AP3S2: variants seen among roughly 807,000 people sequenced by gnomAD.
AP3S2 encodes AP-3 complex subunit sigma-2.
In AP3S2, 22 loss-of-function variants were observed where a neutral mutation model predicts 23.4. The observed-to-expected ratio is 0.94, with a 90% confidence interval of 0.67 to 1.34. The LOEUF (loss-of-function observed/expected upper bound fraction) is 1.34, where lower values mean the gene tolerates loss of function less well. Among genes scored for constraint, AP3S2 ranks in the 40% most tolerant of loss-of-function variants. The probability of loss-of-function intolerance (pLI) is 0.00; values close to 1 mark genes in which losing one functional copy is unlikely to be tolerated. For synonymous variants in AP3S2, 86 were observed against 87.1 expected, an observed-to-expected ratio of 0.99 and a Z score of 0.07; for missense variants, 241 against 236.9, an observed-to-expected ratio of 1.02 and a Z score of -0.11.
chr15:89,866,169 G>C (rs1464409300), intron 4 of AP3S2, among the ~76,000 whole-genome samples: 1 of 148,608 alleles, frequency 6.7e-6, no homozygotes, highest in South Asian at 2.1e-4. Context: ...GGCTGAGACA[G>C]GAGAATCACT....
At chr15:89,874,421 C>T (rs770680994) in intron 3 of AP3S2, among the ~76,000 whole-genome samples, 18 of 152,294 alleles carry the variant, frequency 1.2e-4, no homozygotes, top group Middle Eastern at 3.4e-3. Flanking sequence ...CTGTTTATTT[C>T]ACCTGGGTGC....
Position 89,854,589 on chromosome 15 carries a change from G to A in AP3S2, c.346-16867C>T, listed in dbSNP as rs1358827418. Among the ~76,000 whole-genome samples the A allele has an allele frequency of 2.0e-3, 127 of 64,498 alleles. 7 individuals carry two copies. Among genetic ancestry groups the A allele is most frequent in the Non-Finnish European group, 3.3e-3 (107 of 32,144 alleles). 42.3% of individuals were successfully genotyped at this position (64,498 alleles called of 152,430 possible). A position where few individuals can be genotyped will look rare whatever the true frequency, so the allele number is the denominator to read the frequency against. On this transcript the variant is annotated intron_variant, in intron 4 of 5. Transcript: ENST00000336418. ...GGAGGTGGGGGGGGTCAGCACCCCCGCCCAGCCAGCCGCCCTGTCCGGGAG... is the reference window on the plus strand; with the variant it reads ...GGAGGTGGGGGGGGTCAGCACCCCCACCCAGCCAGCCGCCCTGTCCGGGAG...
chr15:89,849,223 T>C (rs1895574233), intron 4 of AP3S2, among the ~76,000 whole-genome samples: 1 of 152,162 alleles, frequency 6.6e-6, no homozygotes, highest in South Asian at 2.1e-4. Context: ...AGACATTAAA[T>C]CACCATTAAA....
At chr15:89,889,310 A>C in intron 1 of AP3S2, 170 bp from the exon 2 acceptor site, 3 of 685,128 alleles carry the variant, frequency 4.4e-6, no homozygotes, top group Non-Finnish European at 7.3e-6. Flanking sequence ...AATCTATGAA[A>C]GATGGGTGAC....
chr15:89,865,527 C>G (rs970098009), intron 4 of AP3S2: 1 of 152,208 alleles, frequency 6.6e-6, no homozygotes, highest in African/African-American at 2.4e-5. Flanking sequence ...TGGATACAAT[C>G]ACTCTGGCAT....
At chr15:89,890,046 A>C in intron 1 of AP3S2, among the ~76,000 whole-genome samples, 1 of 152,168 alleles carries the variant, frequency 6.6e-6, no homozygotes, top group South Asian at 2.1e-4. Context: ...AATTTTGAAC[A>C]GTTACAAATA....
intron 4 of AP3S2, among the ~76,000 whole-genome samples, chr15:89,854,970 C>T (rs1895788258): frequency 1.2e-5 from 1 of 83,822 alleles, no homozygotes; most frequent in South Asian, 4.0e-4. Context: ...TGCCCGGCCG[C>T]CCCTACTGGG....
chr15:89,858,517 GAGAGAGAGAA>G (rs1375344730), intron 4 of AP3S2, among the ~76,000 whole-genome samples: 108 of 50,282 alleles, frequency 2.1e-3, no homozygotes, highest in African/African-American at 3.7e-3. Flanking sequence ...GAGAGAGAGA[GAGAGAGAGAA>G]AGAAAGAAAG....
chr15:89,869,333 G>A (rs1238082353), intron 4 of AP3S2, among the ~76,000 whole-genome samples: 74 of 147,672 alleles, frequency 5.0e-4, no homozygotes, highest in African/African-American at 1.6e-3. Context: ...GATTAAGGGC[G>A]GTGCAAGATG....
intron 4 of AP3S2, among the ~76,000 whole-genome samples, chr15:89,848,038 T>C (rs1371135): frequency 0.72 from 110,142 of 152,076 alleles, 40,019 homozygotes; most frequent in East Asian, 0.8. Flanking sequence ...ACTAGCAGCA[T>C]GTTAATGCAT....
chr15:89,842,977 G>C (rs556598677), intron 4 of AP3S2, among the ~76,000 whole-genome samples: 2 of 151,386 alleles, frequency 1.3e-5, no homozygotes, highest in Admixed American at 6.6e-5. Context: ...ATTATTCCCA[G>C]GTATTTCTTT....
rs1895228392 is a variant in AP3S2 at position 89,837,675 on chromosome 15, T to C, written c.393A>G (p.Glu131=). 1 of 1,614,022 alleles carries C rather than the reference T, an allele frequency of 6.2e-7. No homozygotes were observed. Among genetic ancestry groups the C allele is most frequent in the South Asian group, 1.1e-5 (1 of 91,084 alleles). Residue 131 remains glutamate, a synonymous_variant, in exon 5 of 6, where the codon GAA becomes GAG. Transcript: ENST00000336418. ...GAGCCACGATTTCATTCATGTTTGT[T>C]TCCAACACCATCCCACCCATCACCA... ...QEVVMGGMVL[E]TNMNEIVAQI...
chr15:89,858,622 G>C (rs1306862294), intron 4 of AP3S2, among the ~76,000 whole-genome samples: 1 of 151,938 alleles, frequency 6.6e-6, no homozygotes, highest in Non-Finnish European at 1.5e-5. Context: ...AGGAATAATA[G>C]CAAGAACAAT....
chr15:89,836,848 C>T (rs913753182), intron 5 of AP3S2, among the ~76,000 whole-genome samples: 1 of 152,232 alleles, frequency 6.6e-6, no homozygotes, highest in Non-Finnish European at 1.5e-5. Flanking sequence ...TTCCACAGGA[C>T]TGCCAGTCCT....
At chr15:89,884,749 C>G (rs917484768) in intron 3 of AP3S2, among the ~76,000 whole-genome samples, 3 of 151,610 alleles carry the variant, frequency 2.0e-5, no homozygotes, top group Non-Finnish European at 2.9e-5. Context: ...CCAGCTCAAG[C>G]GATTCTTCTG....
At chr15:89,842,013 G>A (rs1895340046) in intron 4 of AP3S2, among the ~76,000 whole-genome samples, 1 of 152,110 alleles carries the variant, frequency 6.6e-6, no homozygotes, top group Non-Finnish European at 1.5e-5. Flanking sequence ...TGAAATGAGA[G>A]CTCAAAGCAG....
chr15:89,843,088 G>A lies in AP3S2; in HGVS notation c.346-5366C>T, dbSNP rs151110722. On this transcript the variant is annotated intron_variant, in intron 4 of 5. Transcript: ENST00000336418. Reference sequence around the variant, plus strand: ...CAACCTCTGCCTCCCCGGTTCAAGCGATTCTCTTGCTTCAGCCTCCTGAGT... The same window carrying A: ...CAACCTCTGCCTCCCCGGTTCAAGCAATTCTCTTGCTTCAGCCTCCTGAGT... Among the ~76,000 whole-genome samples, 1,300 of 135,026 alleles carry A rather than the reference G, an allele frequency of 9.6e-3. 28 individuals are homozygous for A. The highest frequency in any genetic ancestry group is 0.034 in the African/African-American group (1,226 of 35,646). 88.6% of individuals were successfully genotyped at this position (135,026 alleles called of 152,430 possible).
At chr15:89,881,120 G>A (rs540017869) in intron 3 of AP3S2, among the ~76,000 whole-genome samples, 189 of 152,282 alleles carry the variant, frequency 1.2e-3, no homozygotes, top group Non-Finnish European at 1.6e-3. Context: ...TATTCCAGGG[G>A]ACAGAACAAG....
intron 3 of AP3S2, among the ~76,000 whole-genome samples, chr15:89,887,723 T>C (rs1896732718): frequency 6.6e-6 from 1 of 152,182 alleles, no homozygotes. Flanking sequence ...CAGGCTGGAG[T>C]GCAGTGGCAT....
Sources: gnomAD v4.1 joint callset for allele counts (sites outside exome capture counted in the v4.1 genomes callset) on GRCh38, gnomAD v4.1.1 for gene constraint, MANE v1.5 for transcripts, NCBI Gene and HGNC (gene_info 2026-07-23, HGNC 2026-07-21) for gene names.